The following TUBB8B variants were observed in gnomAD, a reference collection of about 807,000 sequenced individuals.
TUBB8B encodes HSA18p11 beta-tubulin 4Q pseudogene.
In TUBB8B, 26 loss-of-function variants were observed where a neutral mutation model predicts 31.9. The ratio of observed to expected loss-of-function variants is 0.81; its 90% CI spans 0.60 to 1.13. The LOEUF is 1.13. Ranked by LOEUF, TUBB8B falls within the 50% of genes most tolerant of loss-of-function variation. The pLI, the probability that TUBB8B is intolerant of heterozygous loss-of-function variation, is 0.00. For synonymous variants in TUBB8B, 173 were observed against 231.0 expected (o/e 0.75, Z 2.28); for missense variants, 467 against 586.7 (o/e 0.80, Z 2.11).
rs1296315634 is a variant in TUBB8B at position 48,938 on chromosome 18, A to G, written c.277+2T>C. 6.4e-7 allele frequency: 1 copy of G among 1,568,692 alleles called. No individual in the cohort carries two copies. Among genetic ancestry groups the G allele is most frequent in the Admixed American group, 1.7e-5 (1 of 59,866 alleles). On this transcript the variant is annotated splice_donor_variant, in intron 3 of 3. Coordinates refer to ENST00000308911, the MANE Select transcript of TUBB8B (RefSeq NM_001358689.2). LOFTEE classifies it high-confidence loss of function. ...GCACCCCAGTCCTCGCCCGCAGCTC[A>G]CCGGAAATGAAGTTGTCTGGCCTGA...
the TUBB8B span, among the ~76,000 whole-genome samples, chr18:55,531 T>A: frequency 6.6e-6 from 1 of 151,770 alleles, no homozygotes; most frequent in East Asian, 1.9e-4. Context: ...CGAGACAGCA[T>A]GTATGTGAAG....
chr18:60,646 TTGCTA>T, the TUBB8B span, among the ~76,000 whole-genome samples: 2 of 151,798 alleles, frequency 1.3e-5, no homozygotes, highest in East Asian at 3.9e-4. Context: ...TCCACAGGTT[TTGCTA>T]TGCTATGTTT....
At chr18:72,177 C>CAAAAAAAAAAAAAA in the TUBB8B span, among the ~76,000 whole-genome samples, 72 of 78,744 alleles carry the variant, frequency 9.1e-4, no homozygotes, top group African/African-American at 2.3e-3. Context: ...GACTCCATCT[C>CAAAAAAAAAAAAAA]AAAAAAAAAA....
the TUBB8B span, among the ~76,000 whole-genome samples, chr18:55,289 C>T: frequency 1.3e-4 from 19 of 151,638 alleles, no homozygotes; most frequent in South Asian, 2.1e-4. Context: ...TTAGTGGAGA[C>T]GGGGTTTCAC....
chr18:61,721 C>T, the TUBB8B span, among the ~76,000 whole-genome samples: 4 of 151,212 alleles, frequency 2.6e-5, no homozygotes, highest in East Asian at 7.8e-4. Flanking sequence ...ACAAGCAAAG[C>T]AACTAATAAA....
In TUBB8B at chr18:49,561, C is replaced by G. The variant is rs1307767661; in HGVS notation, c.-4G>C. ...GCGTGAGCACGATTTCCCTCATGGC[C>G]AAGGCAGGATTAGGGCGGCAGCAGA... is the stretch of plus-strand genomic sequence containing the variant. On this transcript the variant is annotated 5_prime_UTR_variant, in exon 1 of 4. Transcript: ENST00000308911. 2.4e-6 allele frequency: 2 copies of G among 842,110 alleles called. No homozygotes were observed. The highest frequency in any genetic ancestry group is 3.8e-6 in the Non-Finnish European group (2 of 521,110). The allele number at this position is 842,110 out of a possible 1,614,324, so 52.2% of individuals were successfully genotyped here. A position where few individuals can be genotyped will look rare whatever the true frequency, so the allele number is the denominator to read the frequency against.
At chr18:53,047 G>A (rs950476930), upstream of TUBB8B, among the ~76,000 whole-genome samples, 1 of 151,720 alleles carries the variant, frequency 6.6e-6, no homozygotes, top group African/African-American at 2.4e-5. Context: ...TTCAGGCTTG[G>A]TGGAAGATGT....
chr18:67,400 T>C, the TUBB8B span, among the ~76,000 whole-genome samples: 1 of 152,192 alleles, frequency 6.6e-6, no homozygotes, highest in African/African-American at 2.4e-5. Context: ...TGGAATGCAG[T>C]GCCACAATCC....
At chr18:48,817 C>T (rs1228043005) in intron 3 of TUBB8B, 123 bp downstream of exon 3, 6 of 775,176 alleles carry the variant, frequency 7.7e-6, no homozygotes, top group South Asian at 4.3e-5. Flanking sequence ...CGACTCGACT[C>T]GGCGGATAGG....
upstream of TUBB8B, among the ~76,000 whole-genome samples, chr18:52,129 G>A (rs1045502836): frequency 6.6e-5 from 10 of 151,886 alleles, no homozygotes; most frequent in African/African-American, 1.7e-4. Context: ...AAAACCTGTA[G>A]GTGCTGTTCT....
Position 47,802 on chromosome 18 carries a change from C to G in TUBB8B, c.923G>C (p.Gly308Ala). 6.2e-7 allele frequency: 1 copy of G among 1,611,888 alleles called. No homozygotes were observed. ...NMMAACDPRH[G>A]CYLTVAAIFR... is the part of the protein sequence containing the mutation. ...AATGGCAGCCACCGTTAGGTAGCAGCCGTGACGGGGGTCACAGGCAGCCAT... is the reference window on the plus strand; with the variant it reads ...AATGGCAGCCACCGTTAGGTAGCAGGCGTGACGGGGGTCACAGGCAGCCAT... The change falls in exon 4 of 4, where the codon GGC (glycine) becomes GCC (alanine). Residue 308 changes from glycine (G) to alanine (A), a missense_variant. By Grantham distance (60) the Gly-to-Ala change is moderately conservative. This residue lies in a region of TUBB8B where 208 missense variants were observed against 206.7 expected (regional missense o/e 1.01). Transcript: ENST00000308911.
chr18:49,537 C>T lies in TUBB8B; in HGVS notation c.21G>A (p.Thr7=), dbSNP rs779939868. ...TCTGGTTCCCGCACTGCCCGGTCTG[C>T]GTGAGCACGATTTCCCTCATGGCCA... MREIVL[T]QTGQCGNQIG... is the part of the protein sequence containing the mutation. Residue 7 remains threonine, a synonymous_variant, in exon 1 of 4, where the codon ACG becomes ACA. Coordinates refer to ENST00000308911, the MANE Select transcript of TUBB8B (RefSeq NM_001358689.2). The T allele has an allele frequency of 6.5e-6, 6 of 916,914 alleles. No homozygotes were observed. Among genetic ancestry groups the T allele is most frequent in the African/African-American group, 3.3e-5 (2 of 60,538 alleles). 56.8% of individuals were successfully genotyped at this position (916,914 alleles called of 1,614,324 possible).
the TUBB8B span, among the ~76,000 whole-genome samples, chr18:57,183 G>A: frequency 2.0e-5 from 3 of 151,666 alleles, no homozygotes; most frequent in Non-Finnish European, 2.9e-5. Context: ...ATACAATCAT[G>A]ACATCCCAAT....
the TUBB8B span, among the ~76,000 whole-genome samples, chr18:55,005 A>T: frequency 6.6e-6 from 1 of 151,944 alleles, no homozygotes; most frequent in African/African-American, 2.4e-5. Context: ...CCACTCTTTA[A>T]TTGATTATAT....
rs1188022401 is a variant in TUBB8B, at chr18:47,989, G to T, written c.736C>A (p.Leu246Met). The T allele has an allele frequency of 6.2e-7, 1 of 1,612,118 alleles. No individual in the cohort carries two copies. The highest frequency in any genetic ancestry group is 1.3e-5 in the African/African-American group (1 of 75,032). Reference protein sequence around the residue: ...VTTCLRFPGQLNADLRKLAVN... With the variant: ...VTTCLRFPGQMNADLRKLAVN... ...GCCAGCTTCCGCAGGTCAGCATTCAGCTGGCCTGGGAAGCGCAGGCATGTG... is the reference window on the plus strand; with the variant it reads ...GCCAGCTTCCGCAGGTCAGCATTCATCTGGCCTGGGAAGCGCAGGCATGTG... Residue 246 changes from leucine (L) to methionine (M), a missense_variant, in exon 4 of 4, where the codon CTG becomes ATG. This residue lies in a region of TUBB8B where 259 missense variants were observed against 380.1 expected (regional missense o/e 0.68). Coordinates refer to ENST00000308911, the MANE Select transcript of TUBB8B (RefSeq NM_001358689.2).
chr18:65,939 C>A, the TUBB8B span, among the ~76,000 whole-genome samples: 1 of 152,140 alleles, frequency 6.6e-6, no homozygotes, highest in Admixed American at 6.5e-5. Context: ...ATTATGAAAA[C>A]CATTCCAGAC....
At chr18:49,627 C>G (rs1258440037), upstream of TUBB8B, 2,656 of 741,698 alleles carry the variant, frequency 3.6e-3, 52 homozygotes, top group Non-Finnish European at 5.1e-3. Context: ...ACCCAGCCCG[C>G]CCTCCGCTAA....
chr18:59,491 T>C, the TUBB8B span, among the ~76,000 whole-genome samples: 1 of 151,216 alleles, frequency 6.6e-6, no homozygotes, highest in Admixed American at 6.6e-5. Context: ...TATTTAATTT[T>C]ATCAAATAAT....
At chr18:55,721 ATCATGT>A in the TUBB8B span, among the ~76,000 whole-genome samples, 2 of 151,834 alleles carry the variant, frequency 1.3e-5, no homozygotes, top group African/African-American at 4.8e-5. Context: ...GCCTAACCAT[ATCATGT>A]AGCTATTAAT....
Sources: allele counts gnomAD v4.1 joint callset (sites outside exome capture counted in the v4.1 genomes callset), GRCh38; gene constraint gnomAD v4.1.1; regional missense constraint gnomAD v4.1.1; transcripts MANE v1.5; gene names NCBI Gene and HGNC (gene_info 2026-07-23, HGNC 2026-07-21).